KBTBD3: variants seen among roughly 807,000 people sequenced by gnomAD.
KBTBD3 encodes kelch repeat and BTB domain containing 3.
KBTBD3 carries 38 observed loss-of-function variants against 49.6 expected under a neutral mutation model. The observed-to-expected ratio is 0.77, with a 90% CI of 0.59 to 1.00. The LOEUF (loss-of-function observed/expected upper bound fraction) is 1.00. Among genes scored for constraint, KBTBD3 ranks in the 50% least tolerant of loss-of-function variants. The pLI is 0.00. For missense variants in KBTBD3, 661 were observed against 712.0 expected, an observed-to-expected ratio of 0.93 and a Z score of 0.81; for synonymous variants, 214 against 250.4, an observed-to-expected ratio of 0.85 and a Z score of 1.37.
At chr11:106,055,130 A>T (rs1055649513) in intron 3 of KBTBD3, among the ~76,000 whole-genome samples, 3 of 152,188 alleles carry the variant, frequency 2.0e-5, no homozygotes, top group South Asian at 4.1e-4. Flanking sequence ...TAGGCCCTCA[A>T]ATTTGAATAA....
intron 2 of KBTBD3, among the ~76,000 whole-genome samples, chr11:106,067,461 G>A (rs553705667): frequency 2.0e-5 from 3 of 152,132 alleles, no homozygotes; most frequent in Non-Finnish European, 2.9e-5. Flanking sequence ...AAATTAGCTG[G>A]GTGTGGTGGC....
chr11:106,061,123 C>T (rs1333535019), intron 2 of KBTBD3, among the ~76,000 whole-genome samples: 1 of 152,160 alleles, frequency 6.6e-6, no homozygotes, highest in African/African-American at 2.4e-5. Context: ...AAGTGGCTAG[C>T]TGGTGCTTCT....
At chr11:106,065,318 A>G (rs1056919684) in intron 2 of KBTBD3, among the ~76,000 whole-genome samples, 1 of 152,130 alleles carries the variant, frequency 6.6e-6, no homozygotes, top group African/African-American at 2.4e-5. Flanking sequence ...TTTTTGTTCT[A>G]TACATGATCG....
At chr11:106,062,118 G>A (rs1860711818) in intron 2 of KBTBD3, among the ~76,000 whole-genome samples, 2 of 152,074 alleles carry the variant, frequency 1.3e-5, no homozygotes, top group South Asian at 2.1e-4. Flanking sequence ...AGTACTGCTG[G>A]AAATCTAAGT....
chr11:106,064,240 A>C (rs1175437473), intron 2 of KBTBD3, among the ~76,000 whole-genome samples: 1 of 152,218 alleles, frequency 6.6e-6, no homozygotes, highest in South Asian at 2.1e-4. Flanking sequence ...TGATGAAAAC[A>C]AATGTTTAAA....
intron 2 of KBTBD3, among the ~76,000 whole-genome samples, chr11:106,073,711 AGTTTT>A (rs1343832521): frequency 1.3e-5 from 2 of 152,178 alleles, no homozygotes; most frequent in African/African-American, 4.8e-5. Context: ...GGAGTCCTTC[AGTTTT>A]AGGAAATTAA....
chr11:106,062,329 G>A (rs1229080524), intron 2 of KBTBD3, among the ~76,000 whole-genome samples: 2 of 152,128 alleles, frequency 1.3e-5, no homozygotes, highest in African/African-American at 2.4e-5. Context: ...GAGAGAGACA[G>A]TGAAAGATTG....
At chr11:106,071,554 T>C (rs1242104605) in intron 2 of KBTBD3, among the ~76,000 whole-genome samples, 1 of 152,170 alleles carries the variant, frequency 6.6e-6, no homozygotes, top group African/African-American at 2.4e-5. Context: ...GAATCACAGA[T>C]AGCTATTCAC....
At chr11:106,069,288 G>A (rs10895901) in intron 2 of KBTBD3, among the ~76,000 whole-genome samples, 22,417 of 151,928 alleles carry the variant, frequency 0.15, 3,583 homozygotes, top group African/African-American at 0.39. Context: ...ACATCGGAAA[G>A]GAAGAAACAA....
chr11:106,063,043 C>T (rs1450041509), intron 2 of KBTBD3, among the ~76,000 whole-genome samples: 1 of 152,204 alleles, frequency 6.6e-6, no homozygotes, highest in Non-Finnish European at 1.5e-5. Context: ...AAAAATCATA[C>T]ATCTTCCCAA....
In KBTBD3 at chr11:106,053,531, T is replaced by C. The variant is rs375980344; in HGVS notation, c.1158A>G (p.Val386=). 1 of 1,613,770 alleles carries C rather than the reference T, an allele frequency of 6.2e-7. No homozygotes were observed. ...TGGTTCTTGGTGTTTTCATAGTTGA[T>C]ACCAAGAAGAAATCATTTTTCACTG... is the stretch of plus-strand genomic sequence containing the variant. ...YCPVKNDFFL[V]STMKTPRTMH... Residue 386 remains valine, a synonymous_variant, in exon 4 of 4, where the codon GTA becomes GTG. Coordinates refer to ENST00000531837, the MANE Select transcript of KBTBD3 (RefSeq NM_198439.3).
At chr11:106,064,969 C>A (rs1390186574) in intron 2 of KBTBD3, among the ~76,000 whole-genome samples, 2 of 152,122 alleles carry the variant, frequency 1.3e-5, no homozygotes, top group East Asian at 3.8e-4. Flanking sequence ...CTCCTACAAC[C>A]TTATATTCCA....
chr11:106,058,844 G>T (rs116742987), intron 3 of KBTBD3, 21 bp downstream of exon 3: 1 of 1,352,112 alleles, frequency 7.4e-7, no homozygotes, highest in African/African-American at 1.5e-5. Context: ...TAAAATCTGA[G>T]GCATAGACAA....
chr11:106,059,847 G>T (rs1174599309), intron 2 of KBTBD3, among the ~76,000 whole-genome samples: 1 of 152,194 alleles, frequency 6.6e-6, no homozygotes, highest in Non-Finnish European at 1.5e-5. Context: ...GTGGGAAACA[G>T]AAAGGAAAAG....
chr11:106,069,227 T>C (rs935107432), intron 2 of KBTBD3, among the ~76,000 whole-genome samples: 1 of 152,120 alleles, frequency 6.6e-6, no homozygotes, highest in African/African-American at 2.4e-5. Flanking sequence ...TCCAAGTGCA[T>C]GTAAGCTCTA....
At position 106,057,000 on chromosome 11, in the gene KBTBD3, A is replaced by T. The variant is rs191410825; in HGVS notation, c.233+1865T>A. ...CAACTTTGATTAACTGAGAGAAGAAATAAAAAGAATAGATGAAGACATATA... is the reference window on the plus strand; with the variant it reads ...CAACTTTGATTAACTGAGAGAAGAATTAAAAAGAATAGATGAAGACATATA... On this transcript the variant is annotated intron_variant, in intron 3 of 3. Transcript: ENST00000531837. Among the ~76,000 whole-genome samples the T allele has an allele frequency of 3.0e-4, 45 of 152,312 alleles. 1 individual carries two copies. The East Asian group carries it at 7.3e-3, about 25-fold the overall frequency.
At chr11:106,064,103 C>T (rs1294819648) in intron 2 of KBTBD3, among the ~76,000 whole-genome samples, 1 of 152,022 alleles carries the variant, frequency 6.6e-6, no homozygotes, top group Non-Finnish European at 1.5e-5. Context: ...CTAATAATTC[C>T]TAGGGCATAA....
At chr11:106,066,166 G>A (rs1860807694) in intron 2 of KBTBD3, among the ~76,000 whole-genome samples, 1 of 152,000 alleles carries the variant, frequency 6.6e-6, no homozygotes, top group South Asian at 2.1e-4. Context: ...AAAATGTTTT[G>A]GACCTTTAAA....
Position 106,058,909 on chromosome 11 carries a change from G to A in KBTBD3, c.189C>T (p.Ile63=). 1.9e-6 allele frequency: 3 copies of A among 1,579,152 alleles called. No homozygotes were observed. The highest frequency in any genetic ancestry group is 2.6e-6 in the Non-Finnish European group (3 of 1,168,834). ...CTGCTAACACACAACGATGACACGG[G>A]ATTATTTCATCTTTCATAATTATTT... is the stretch of plus-strand genomic sequence containing the variant. ...DFKIIMKDEI[I]PCHRCVLAAC... Residue 63 remains isoleucine (I), a synonymous_variant, in exon 3 of 4, where the codon ATC becomes ATT. Coordinates refer to ENST00000531837, the MANE Select transcript of KBTBD3 (RefSeq NM_198439.3).
Sources: allele counts gnomAD v4.1 joint callset (sites outside exome capture counted in the v4.1 genomes callset), GRCh38; gene constraint gnomAD v4.1.1; transcripts MANE v1.5; gene names NCBI Gene and HGNC (gene_info 2026-07-23, HGNC 2026-07-21).